Variants in CD226 observed in about 807,000 individuals in gnomAD.
CD226 encodes the protein CD226 antigen.
CD226 carries 24 observed loss-of-function variants against 34.9 expected under a neutral mutation model. That is an observed-to-expected ratio of 0.69 (90% CI 0.50 to 0.97). The LOEUF (loss-of-function observed/expected upper bound fraction) is 0.97. CD226 is among the 50% of genes least tolerant of loss of function. The probability of loss-of-function intolerance (pLI) is 0.00; values close to 1 mark genes in which losing one functional copy is unlikely to be tolerated. For synonymous variants in CD226, 148 were observed against 147.4 expected (o/e 1.00, Z -0.03); for missense variants, 397 against 412.7 (o/e 0.96, Z 0.33).
At chr18:69,941,951 C>G (rs1223372230) in intron 2 of CD226, among the ~76,000 whole-genome samples, 1 of 152,170 alleles carries the variant, frequency 6.6e-6, no homozygotes, top group Admixed American at 6.5e-5. Flanking sequence ...GGCCAGTCAC[C>G]TTCATGCTGT....
At chr18:69,952,022 C>G (rs570444548), upstream of CD226, among the ~76,000 whole-genome samples, 1 of 152,222 alleles carries the variant, frequency 6.6e-6, no homozygotes, top group East Asian at 1.9e-4. Flanking sequence ...ATGGAATCAA[C>G]CTAAGTGCCC....
intron 3 of CD226, among the ~76,000 whole-genome samples, chr18:69,878,187 G>T (rs1983995421): frequency 1.3e-5 from 2 of 152,262 alleles, no homozygotes; most frequent in African/African-American, 4.8e-5. Context: ...TAAAAAAGAA[G>T]AATTGTTTCC....
At chr18:69,951,662 G>A (rs1489350969), upstream of CD226, among the ~76,000 whole-genome samples, 1 of 152,138 alleles carries the variant, frequency 6.6e-6, no homozygotes, top group African/African-American at 2.4e-5. Context: ...AAAGCTGAAA[G>A]ACTAACATTT....
intron 3 of CD226, among the ~76,000 whole-genome samples, chr18:69,889,547 T>C (rs113394972): frequency 2.0e-5 from 3 of 151,660 alleles, no homozygotes; most frequent in African/African-American, 7.2e-5. Flanking sequence ...CCAAATGGAC[T>C]GGGAGCAAAC....
chr18:69,915,366 C>T (rs1376273309), intron 2 of CD226, among the ~76,000 whole-genome samples: 2 of 152,068 alleles, frequency 1.3e-5, no homozygotes, highest in Non-Finnish European at 2.9e-5. Context: ...TTTATCATGC[C>T]ATGGTTCTCC....
At chr18:69,945,052 A>T (rs1298925728) in intron 2 of CD226, among the ~76,000 whole-genome samples, 1 of 152,204 alleles carries the variant, frequency 6.6e-6, no homozygotes, top group Non-Finnish European at 1.5e-5. Flanking sequence ...AAGCACTATT[A>T]TGTCAGATGT....
rs950287874 is a variant in CD226 at position 69,934,285 on chromosome 18, C to T, written c.382+12449G>A. Among the ~76,000 whole-genome samples, 242 of 150,984 alleles carry T rather than the reference C, an allele frequency of 1.6e-3. 1 individual carries two copies. Among genetic ancestry groups the T allele is most frequent in the Non-Finnish European group, 2.3e-3 (152 of 67,528 alleles). On this transcript the variant is annotated intron_variant, in intron 2 of 5. Transcript: ENST00000582621. ...ATCCTGTCCACACAGAGGATACACA[C>T]ACACACACACACACACACACACACA...
intron 2 of CD226, among the ~76,000 whole-genome samples, chr18:69,929,228 C>T (rs2055560201): frequency 6.6e-6 from 1 of 152,130 alleles, no homozygotes; most frequent in Admixed American, 6.5e-5. Flanking sequence ...TTCTGATCTT[C>T]CAAAAATGTG....
At chr18:69,955,480 G>A (rs754996364) in intron 1 of CD226, among the ~76,000 whole-genome samples, 9 of 152,132 alleles carry the variant, frequency 5.9e-5, no homozygotes, top group South Asian at 2.1e-4. Context: ...AGTGTGAGAG[G>A]TCGTTTGCTC....
intron 2 of CD226, among the ~76,000 whole-genome samples, chr18:69,928,042 T>C (rs2055544919): frequency 6.6e-6 from 1 of 152,180 alleles, no homozygotes; most frequent in Admixed American, 6.5e-5. Context: ...AGCTATGAAA[T>C]ATGCAGAAAA....
At chr18:69,891,138 T>C (rs1181464242) in intron 3 of CD226, among the ~76,000 whole-genome samples, 1 of 152,070 alleles carries the variant, frequency 6.6e-6, no homozygotes, top group Non-Finnish European at 1.5e-5. Flanking sequence ...TTCTAATCAA[T>C]TCTGATTTAT....
intron 1 of CD226, 36 bp from the exon 2 acceptor site, chr18:69,947,105 G>A: frequency 1.3e-6 from 2 of 1,520,182 alleles, no homozygotes; most frequent in Non-Finnish European, 9.1e-7. Flanking sequence ...TGTTAGCCTT[G>A]ATGATGGAAA....
intron 2 of CD226, among the ~76,000 whole-genome samples, chr18:69,905,027 C>T (rs1421293521): frequency 1.3e-5 from 2 of 152,108 alleles, no homozygotes; most frequent in African/African-American, 2.4e-5. Context: ...TGAACGAGTC[C>T]TTACTAAGTG....
chr18:69,944,367 C>T (rs2055763994), intron 2 of CD226: 1 of 152,038 alleles, frequency 6.6e-6, no homozygotes, highest in South Asian at 2.1e-4. Context: ...TTTTTAAGCC[C>T]CATGAAGGTG....
In CD226 at chr18:69,881,866, G is replaced by A. The variant is rs1022961305; in HGVS notation, c.728-8620C>T. 9.2e-5 allele frequency among the ~76,000 whole-genome samples: 14 copies of A among 152,022 alleles called. No individual in the cohort carries two copies. The South Asian group carries it at 1.5e-3, about 16-fold the overall frequency. On this transcript the variant is annotated intron_variant, in intron 3 of 5. Coordinates refer to ENST00000582621, the MANE Select transcript of CD226 (RefSeq NM_001303618.2). ...GAACTTTCCTGTATGCCTGAAATAC[G>A]CATCACGTGGATATTGGTATGGTAA...
chr18:69,936,302 T>C (rs1599023756), intron 2 of CD226, among the ~76,000 whole-genome samples: 1 of 152,348 alleles, frequency 6.6e-6, no homozygotes, highest in East Asian at 1.9e-4. Flanking sequence ...ACATGTGTTC[T>C]TGTGCCTGTT....
At chr18:69,904,480 A>T (rs1219725148) in intron 2 of CD226, among the ~76,000 whole-genome samples, 1 of 152,192 alleles carries the variant, frequency 6.6e-6, no homozygotes, top group East Asian at 1.9e-4. Flanking sequence ...GAGCTCCAGA[A>T]TCTTGAGATT....
In CD226 at chr18:69,947,853, T is replaced by C. The variant is rs1038314297; in HGVS notation, c.-447A>G. 6.5e-6 allele frequency: 1 copy of C among 152,802 alleles called. No homozygotes were observed. The highest frequency in any genetic ancestry group is 2.4e-5 in the African/African-American group (1 of 41,410). The allele number at this position is 152,802 out of a possible 1,614,324, so 9.5% of individuals were successfully genotyped here. A position where few individuals can be genotyped will look rare whatever the true frequency, so the allele number is the denominator to read the frequency against. ...TAATAAGTGAAAGGTGGTGCATGCA[T>C]GGAGCAGAGAAGTCCTCACTGAGAG... On this transcript the variant is annotated 5_prime_UTR_variant, in exon 1 of 6. The change abolishes an upstream ATG in the 5' untranslated region. Transcript: ENST00000582621.
chr18:69,912,405 A>G (rs2055336709), intron 2 of CD226, among the ~76,000 whole-genome samples: 1 of 152,228 alleles, frequency 6.6e-6, no homozygotes, highest in South Asian at 2.1e-4. Flanking sequence ...GTGAGTGGCT[A>G]TTTTTAAAAT....
Sources: gnomAD v4.1 joint callset for allele counts (sites outside exome capture counted in the v4.1 genomes callset) on GRCh38, gnomAD v4.1.1 for gene constraint, MANE v1.5 for transcripts, NCBI Gene and HGNC (gene_info 2026-07-23, HGNC 2026-07-21) for gene names.